BTAF1: variants seen among roughly 807,000 people sequenced by gnomAD.
BTAF1 encodes B-TFIID TATA-box binding protein associated factor 1, also known as TATA-binding protein-associated factor 172.
In BTAF1, 38 loss-of-function variants were observed where a neutral mutation model predicts 227.1. The observed-to-expected ratio is 0.17, with a 90% CI of 0.13 to 0.22. BTAF1 has a LOEUF of 0.22. Among genes scored for constraint, BTAF1 ranks in the 10% least tolerant of loss-of-function variants. The pLI, the probability that BTAF1 is intolerant of heterozygous loss-of-function variation, is 1.00. For synonymous variants in BTAF1, 742 were observed against 751.9 expected, an observed-to-expected ratio of 0.99 and a Z score of 0.21; for missense variants, 1,598 against 2,204.0, an observed-to-expected ratio of 0.73 and a Z score of 5.51.
rs1589924741 is a variant in BTAF1 at position 91,999,337 on chromosome 10, C to G, written c.3660+1586C>G. Among the ~76,000 whole-genome samples, 6 of 152,202 alleles carry G rather than the reference C, an allele frequency of 3.9e-5. No individual in the cohort carries two copies. The Middle Eastern group carries it at 0.017, about 434-fold the overall frequency. ...ATCTGGTAAAATTGAAGCTACCCAG[C>G]CTAATGACCTGAAAAATTCATCCTA... On this transcript the variant is annotated intron_variant, in intron 25 of 37. Transcript: ENST00000265990.
chr10:91,936,664 A>G (rs1844634723), intron 2 of BTAF1, among the ~76,000 whole-genome samples: 1 of 152,196 alleles, frequency 6.6e-6, no homozygotes, highest in Non-Finnish European at 1.5e-5. Context: ...GTGATTTGAT[A>G]CCTACAGGCT....
intron 19 of BTAF1, among the ~76,000 whole-genome samples, chr10:91,984,805 CA>C (rs1278396119): frequency 6.6e-6 from 1 of 152,136 alleles, no homozygotes; most frequent in East Asian, 1.9e-4. Flanking sequence ...TCATACTTAA[CA>C]GCTAGATTTT....
At chr10:91,940,799 C>A (rs1202822145) in intron 3 of BTAF1, among the ~76,000 whole-genome samples, 3 of 152,058 alleles carry the variant, frequency 2.0e-5, no homozygotes, top group African/African-American at 4.8e-5. Flanking sequence ...ATTCTTGTGC[C>A]TCAACCTCCC....
chr10:91,951,341 G>T, intron 4 of BTAF1, 62 bp from the exon 5 acceptor site: 1 of 1,514,940 alleles, frequency 6.6e-7, no homozygotes, highest in South Asian at 1.2e-5. Context: ...AGAGTTTGAT[G>T]TGCACGTATT....
intron 32 of BTAF1, 112 bp downstream of exon 32, chr10:92,014,141 A>G: frequency 2.7e-6 from 3 of 1,098,786 alleles, no homozygotes; most frequent in Non-Finnish European, 3.9e-6. Flanking sequence ...TATCAGATGC[A>G]GATAAAGCCT....
At chr10:91,950,749 A>T (rs935869936) in intron 4 of BTAF1, among the ~76,000 whole-genome samples, 1 of 151,628 alleles carries the variant, frequency 6.6e-6, no homozygotes, top group East Asian at 1.9e-4. Context: ...CAAAATCTAG[A>T]TGTTTTTTTA....
At chr10:92,009,325 C>G (rs1850145221) in intron 28 of BTAF1, 117 bp downstream of exon 28, 2 of 1,096,756 alleles carry the variant, frequency 1.8e-6, no homozygotes, top group Non-Finnish European at 2.6e-6. Flanking sequence ...GACATAGAAA[C>G]TTCACTTATG....
At position 92,013,994 on chromosome 10, in the gene BTAF1, A is replaced by T. The variant is rs1483165341; in HGVS notation, c.4549A>T (p.Ile1517Phe). Residue 1517 changes from isoleucine (I) to phenylalanine (F), a missense_variant, in exon 32 of 38, where the codon ATT (isoleucine) becomes TTT (phenylalanine). Physicochemically the swap from Ile to Phe is conservative, Grantham distance 21. Transcript: ENST00000265990. ...TTTGCAGGATCTTCCACCTAAAATT[A>T]TTCAAGACTATTATTGTACTCTTAG... ...DVLQDLPPKI[I>F]QDYYCTLSPL... 1 of 1,613,470 alleles carries T rather than the reference A, an allele frequency of 6.2e-7. No homozygotes were observed. Among genetic ancestry groups the T allele is most frequent in the Non-Finnish European group, 8.5e-7 (1 of 1,179,866 alleles).
intron 14 of BTAF1, among the ~76,000 whole-genome samples, chr10:91,968,618 A>G (rs555666499): frequency 5.1e-4 from 78 of 152,328 alleles, no homozygotes; most frequent in South Asian, 2.9e-3. Flanking sequence ...GAAACTGCCA[A>G]CTGTCTTCCA....
chr10:91,959,646 T>C, intron 9 of BTAF1, 139 bp from the exon 10 acceptor site: 1 of 327,496 alleles, frequency 3.1e-6, no homozygotes, highest in Non-Finnish European at 5.0e-6. Flanking sequence ...TTTTTGATTT[T>C]GGACCTAAGG....
chr10:91,935,917 C>T (rs1327050707), intron 2 of BTAF1, 137 bp downstream of exon 2: 18 of 848,588 alleles, frequency 2.1e-5, no homozygotes, highest in Non-Finnish European at 2.8e-5. Flanking sequence ...GGTCACAAGA[C>T]TTAAACTTTT....
At chr10:91,961,167 AAAG>A (rs1291028160) in intron 11 of BTAF1, among the ~76,000 whole-genome samples, 1 of 152,204 alleles carries the variant, frequency 6.6e-6, no homozygotes, top group African/African-American at 2.4e-5. Context: ...TATTGACGAA[AAAG>A]AAGAGACGTG....
At chr10:91,940,411 A>G (rs1844906431) in intron 3 of BTAF1, among the ~76,000 whole-genome samples, 2 of 152,070 alleles carry the variant, frequency 1.3e-5, no homozygotes, top group African/African-American at 4.8e-5. Context: ...TGCTGGGAGA[A>G]TAGTATAGGG....
At chr10:91,991,832 T>TATATATATATATATATACAC (rs1466556430) in intron 20 of BTAF1, among the ~76,000 whole-genome samples, 1 of 11,284 alleles carries the variant, frequency 8.9e-5, no homozygotes, top group African/African-American at 1.3e-4. Flanking sequence ...TATATATATA[T>TATATATATATATATATACAC]ACACACATAT....
chr10:92,014,553 A>G (rs1850572296), intron 32 of BTAF1, among the ~76,000 whole-genome samples: 1 of 152,116 alleles, frequency 6.6e-6, no homozygotes, highest in African/African-American at 2.4e-5. Flanking sequence ...GTGTCTAGTT[A>G]ATTGAAAAGA....
chr10:91,957,337 G>A, intron 8 of BTAF1, 44 bp downstream of exon 8: 1 of 1,482,468 alleles, frequency 6.7e-7, no homozygotes, highest in Non-Finnish European at 9.4e-7. Context: ...TATTTTCTGT[G>A]CTAATGAAGG....
At chr10:91,950,193 G>A (rs1191460592) in intron 4 of BTAF1, among the ~76,000 whole-genome samples, 1 of 148,752 alleles carries the variant, frequency 6.7e-6, no homozygotes, top group Non-Finnish European at 1.5e-5. Context: ...TCAGATTTTA[G>A]CTGCCACGCA....
chr10:91,941,869 C>T (rs1845024238), intron 3 of BTAF1, among the ~76,000 whole-genome samples: 2 of 152,226 alleles, frequency 1.3e-5, no homozygotes, highest in African/African-American at 4.8e-5. Flanking sequence ...CACATATACT[C>T]ACTAACATCT....
intron 25 of BTAF1, among the ~76,000 whole-genome samples, chr10:92,004,192 C>T (rs1219896727): frequency 6.6e-6 from 1 of 152,014 alleles, no homozygotes; most frequent in Non-Finnish European, 1.5e-5. Flanking sequence ...CTCTTCAGTC[C>T]GTTGATTGTC....
Sources: allele counts gnomAD v4.1 joint callset (sites outside exome capture counted in the v4.1 genomes callset), GRCh38; gene constraint gnomAD v4.1.1; transcripts MANE v1.5; gene names NCBI Gene and HGNC (gene_info 2026-07-23, HGNC 2026-07-21).